SEC63: variants seen among roughly 807,000 people sequenced by gnomAD.
SEC63 encodes the protein translocation protein SEC63 homolog.
In SEC63, 56 loss-of-function variants were observed where a neutral mutation model predicts 116.2. The ratio of observed to expected loss-of-function variants is 0.48; its 90% CI spans 0.39 to 0.60. The LOEUF (loss-of-function observed/expected upper bound fraction) is 0.60, where lower values mean the gene tolerates loss of function less well. Among genes scored for constraint, SEC63 ranks in the 20% least tolerant of loss-of-function variants. SEC63 has a pLI of 0.00. For missense variants in SEC63, 668 were observed against 900.0 expected (o/e 0.74, Z 3.30); for synonymous variants, 273 against 294.6 (o/e 0.93, Z 0.75).
In SEC63 at chr6:107,893,827, CAA is replaced by C; in HGVS notation, c.1500+9_1500+10del. On this transcript the variant is annotated intron_variant, in intron 15 of 20. Coordinates refer to ENST00000369002, the MANE Select transcript of SEC63 (RefSeq NM_007214.5). ...ACTAGGAAAAATAGGTTCGGAAACC[CAA>C]GTTTTTACCCCATCTTCTGCTGGCT... The C allele has an allele frequency of 6.2e-7, 1 of 1,613,942 alleles. No homozygotes were observed. Among genetic ancestry groups the C allele is most frequent in the Non-Finnish European group, 8.5e-7 (1 of 1,179,932 alleles).
chr6:107,874,697 G>A (rs577595245), intron 19 of SEC63, among the ~76,000 whole-genome samples: 39 of 150,988 alleles, frequency 2.6e-4, no homozygotes, highest in African/African-American at 9.0e-4. Flanking sequence ...TCTTTCTTTC[G>A]AGACATGTCA....
intron 4 of SEC63, among the ~76,000 whole-genome samples, chr6:107,919,860 C>CA (rs1203172094): frequency 6.6e-6 from 1 of 151,800 alleles, no homozygotes; most frequent in East Asian, 1.9e-4. Context: ...AAGTTCTGTC[C>CA]ATAAAATACT....
chr6:107,897,260 T>G (rs751792501), intron 14 of SEC63, among the ~76,000 whole-genome samples: 52 of 152,196 alleles, frequency 3.4e-4, no homozygotes, highest in Non-Finnish European at 6.2e-4. Context: ...GGAAAAAAAA[T>G]GTTATTTTTA....
Position 107,913,429 on chromosome 6 carries a change from T to G in SEC63, c.453-2A>C. On this transcript the variant is annotated splice_acceptor_variant, in intron 4 of 20. Coordinates refer to ENST00000369002, the MANE Select transcript of SEC63 (RefSeq NM_007214.5). LOFTEE classifies it high-confidence loss of function. ...TTCCGGGACTCTTCATCCGTTAAAC[T>G]AGCATCAAAAGAACAAAGTTGCAAA... The G allele has an allele frequency of 6.2e-7, 1 of 1,611,906 alleles. No homozygotes were observed. Among genetic ancestry groups the G allele is most frequent in the South Asian group, 1.1e-5 (1 of 91,036 alleles).
chr6:107,883,736 G>A (rs781403295), intron 16 of SEC63, among the ~76,000 whole-genome samples: 10 of 151,340 alleles, frequency 6.6e-5, no homozygotes, highest in Non-Finnish European at 1.5e-4. Flanking sequence ...GAGCCCAGGA[G>A]TTTAAGGCTG....
chr6:107,880,297 G>C (rs1484848392), intron 18 of SEC63, among the ~76,000 whole-genome samples: 5 of 152,232 alleles, frequency 3.3e-5, no homozygotes, highest in Non-Finnish European at 5.9e-5. Flanking sequence ...GCAGAAAGCA[G>C]ATTTATACAT....
At chr6:107,919,646 C>A (rs142119753) in intron 4 of SEC63, among the ~76,000 whole-genome samples, 6,803 of 151,796 alleles carry the variant, frequency 0.045, 466 homozygotes, top group African/African-American at 0.15. Context: ...CGTGGTGAAA[C>A]CCCATCTCTA....
intron 1 of SEC63, among the ~76,000 whole-genome samples, chr6:107,945,920 TTTTG>T (rs533616641): frequency 4.3e-4 from 65 of 151,976 alleles, no homozygotes; most frequent in African/African-American, 6.8e-4. Flanking sequence ...TTTTCCTGTA[TTTTG>T]TTTGTTTGTT....
rs756977331 is a variant in SEC63 at position 107,958,030 on chromosome 6, GCTCTTCTCACCGC to G, written c.-34_-22del. ...GCCATGGCACCCCCTCCTCCGCCTC[GCTCTTCTCACCGC>G]CGCCGCCACGACCACGCTCTGCACT... On this transcript the variant is annotated 5_prime_UTR_variant, in exon 1 of 21. Coordinates refer to ENST00000369002, the MANE Select transcript of SEC63 (RefSeq NM_007214.5). 1.9e-6 allele frequency: 3 copies of G among 1,612,312 alleles called. No individual in the cohort carries two copies. In the South Asian group the frequency reaches 3.3e-5, roughly 18 times the overall value.
At chr6:107,876,054 AAC>A (rs1342986311) in intron 19 of SEC63, among the ~76,000 whole-genome samples, 1 of 152,178 alleles carries the variant, frequency 6.6e-6, no homozygotes, top group East Asian at 1.9e-4. Context: ...CTAGAAAAAA[AAC>A]ACACACACAA....
At chr6:107,925,221 G>A (rs758201117) in intron 2 of SEC63, among the ~76,000 whole-genome samples, 7 of 152,006 alleles carry the variant, frequency 4.6e-5, no homozygotes, top group East Asian at 1.9e-4. Flanking sequence ...CTTACTGGAC[G>A]CATTAAATTA....
chr6:107,877,454 GT>G (rs1335905664), intron 18 of SEC63: 1 of 151,824 alleles, frequency 6.6e-6, no homozygotes, highest in Non-Finnish European at 1.5e-5. Context: ...TTTGTTTTTT[GT>G]TGAGACAGGG....
intron 1 of SEC63, among the ~76,000 whole-genome samples, chr6:107,938,978 A>G (rs1326433776): frequency 6.6e-6 from 1 of 152,230 alleles, no homozygotes; most frequent in East Asian, 1.9e-4. Context: ...AAGTCATCAT[A>G]AAAGTTGAAA....
At position 107,868,021 on chromosome 6, in the gene SEC63, C is replaced by CT. The variant is rs1248915125; in HGVS notation, c.*3682dup. Reference sequence around the variant, plus strand: ...TACAGAAATATGTACAAGATCGCATCTTTTTAAGTTTTGCAAAATAGCCCT... The same window carrying CT: ...TACAGAAATATGTACAAGATCGCATCTTTTTTAAGTTTTGCAAAATAGCCCT... On this transcript the variant is annotated 3_prime_UTR_variant, in exon 21 of 21. Coordinates refer to ENST00000369002, the MANE Select transcript of SEC63 (RefSeq NM_007214.5). 6.6e-6 allele frequency: 1 copy of CT among 152,094 alleles called. No homozygotes were observed. The highest frequency in any genetic ancestry group is 1.5e-5 in the Non-Finnish European group (1 of 68,030). 9.4% of individuals were successfully genotyped at this position (152,094 alleles called of 1,614,324 possible). A position where few individuals can be genotyped will look rare whatever the true frequency, so the allele number is the denominator to read the frequency against.
At chr6:107,902,472 GATTT>G (rs1787028326) in intron 12 of SEC63, among the ~76,000 whole-genome samples, 1 of 151,880 alleles carries the variant, frequency 6.6e-6, no homozygotes, top group South Asian at 2.1e-4. Context: ...GTCTTTATTT[GATTT>G]ATTAAATGTT....
At chr6:107,906,366 AAACT>A (rs1787148932) in intron 10 of SEC63, 78 bp downstream of exon 10, 2 of 1,461,520 alleles carry the variant, frequency 1.4e-6, no homozygotes, top group Non-Finnish European at 1.9e-6. Flanking sequence ...ATGCGAGAAC[AAACT>A]AATACACACC....
chr6:107,886,799 C>T (rs1786538793), intron 16 of SEC63, among the ~76,000 whole-genome samples: 1 of 146,082 alleles, frequency 6.8e-6, no homozygotes, highest in Admixed American at 6.8e-5. Flanking sequence ...TTCTCCCATT[C>T]TGTGGGTTGC....
chr6:107,925,003 G>A (rs1787644383), intron 2 of SEC63, 71 bp from the exon 3 acceptor site: 19 of 892,424 alleles, frequency 2.1e-5, no homozygotes, highest in Admixed American at 1.2e-4. Context: ...TTATGGCAAG[G>A]TCAAGGCAAA....
Position 107,871,882 on chromosome 6 carries a change from T to C in SEC63, c.2140-35A>G, listed in dbSNP as rs753977267. The C allele has an allele frequency of 2.5e-6, 4 of 1,609,590 alleles. No homozygotes were observed. In the Admixed American group the frequency reaches 5.0e-5, roughly 20 times the overall value. On this transcript the variant is annotated intron_variant, in intron 20 of 20. Coordinates refer to ENST00000369002, the MANE Select transcript of SEC63 (RefSeq NM_007214.5). Reference sequence around the variant, plus strand: ...AGAATTAAATGTAGACATCAGAAATTTGGGGAGAAATAATGGAAGAAATCT... The same window carrying C: ...AGAATTAAATGTAGACATCAGAAATCTGGGGAGAAATAATGGAAGAAATCT...
Sources: gnomAD v4.1 joint callset for allele counts (sites outside exome capture counted in the v4.1 genomes callset) on GRCh38, gnomAD v4.1.1 for gene constraint, MANE v1.5 for transcripts, NCBI Gene and HGNC (gene_info 2026-07-23, HGNC 2026-07-21) for gene names.